Variants in CHST8 observed in about 807,000 individuals in gnomAD.
CHST8 encodes carbohydrate sulfotransferase 8, also known as GALNAC-4-ST1.
In CHST8, 10 loss-of-function variants were observed where a neutral mutation model predicts 15.0. The ratio of observed to expected loss-of-function variants is 0.67; its 90% CI spans 0.41 to 1.13. The LOEUF (loss-of-function observed/expected upper bound fraction) is 1.13. Ranked by LOEUF, CHST8 falls within the 50% of genes most tolerant of loss-of-function variation. The probability of loss-of-function intolerance (pLI) is 0.00; values close to 1 mark genes in which losing one functional copy is unlikely to be tolerated. For missense variants in CHST8, 634 were observed against 608.2 expected (o/e 1.04, Z -0.45); for synonymous variants, 259 against 256.6 (o/e 1.01, Z -0.09).
intron 3 of CHST8, among the ~76,000 whole-genome samples, chr19:33,767,702 G>T (rs1974879721): frequency 6.6e-6 from 1 of 152,182 alleles, no homozygotes; most frequent in Non-Finnish European, 1.5e-5. Flanking sequence ...ACCTTATATT[G>T]ACAGGAGAAG....
rs1485884078 is a variant in CHST8, at chr19:33,772,112, C to G, written c.324C>G (p.Arg108=). 2 of 1,611,134 alleles carry G rather than the reference C, an allele frequency of 1.2e-6. No homozygotes were observed. The highest frequency in any genetic ancestry group is 3.3e-5 in the Admixed American group (2 of 59,856). ...AGAGGGGAACCCGTCTGCGGCTCCG[C>G]CAGCGCCGTCGCCGTCTGCTCATCA... ...PLQRGTRLRL[R]QRRRRLLIKK... is the part of the protein sequence containing the mutation. The change falls in exon 5 of 5, where the codon CGC becomes CGG. Residue 108 remains arginine (R), a synonymous_variant. Transcript: ENST00000650847.
At chr19:33,733,548 G>C (rs78645632) in intron 3 of CHST8, among the ~76,000 whole-genome samples, 2,850 of 152,226 alleles carry the variant, frequency 0.019, 33 homozygotes, top group Non-Finnish European at 0.027. Context: ...ATATATTCTT[G>C]ATACCACAGC....
At chr19:33,724,855 G>T (rs1028644381) in intron 3 of CHST8, among the ~76,000 whole-genome samples, 1 of 152,190 alleles carries the variant, frequency 6.6e-6, no homozygotes, top group African/African-American at 2.4e-5. Flanking sequence ...CTGCTCCAAG[G>T]GTGGACTGTG....
At chr19:33,668,540 A>T (rs142125065) in intron 2 of CHST8, among the ~76,000 whole-genome samples, 1 of 152,312 alleles carries the variant, frequency 6.6e-6, no homozygotes, top group East Asian at 1.9e-4. Flanking sequence ...GAAGAGCAGC[A>T]GCTCTCCAGG....
intron 3 of CHST8, among the ~76,000 whole-genome samples, chr19:33,717,118 A>G (rs1468274166): frequency 1.3e-5 from 2 of 152,162 alleles, no homozygotes; most frequent in African/African-American, 4.8e-5. Context: ...CCCTTGCAAG[A>G]AGGAATTCAG....
chr19:33,643,433 G>A (rs1471224109), intron 1 of CHST8, among the ~76,000 whole-genome samples: 2 of 152,166 alleles, frequency 1.3e-5, no homozygotes, highest in Non-Finnish European at 2.9e-5. Context: ...TCCTGAGCCC[G>A]TGTTCTGGAG....
At chr19:33,716,355 T>C (rs1973665395) in intron 3 of CHST8, among the ~76,000 whole-genome samples, 1 of 152,172 alleles carries the variant, frequency 6.6e-6, no homozygotes. Flanking sequence ...AGTGGAGCAA[T>C]AAACATGTGA....
chr19:33,640,397 G>C (rs1189570542), intron 1 of CHST8, among the ~76,000 whole-genome samples: 2 of 152,196 alleles, frequency 1.3e-5, no homozygotes, highest in South Asian at 2.1e-4. Context: ...GGGTGGCTCA[G>C]CCCACCTCTC....
intron 3 of CHST8, among the ~76,000 whole-genome samples, chr19:33,717,441 AC>A (rs1973683933): frequency 6.6e-6 from 1 of 152,140 alleles, no homozygotes; most frequent in Admixed American, 6.6e-5. Context: ...AGCCTGGGCA[AC>A]AGAGCGAGAC....
rs938857199 is a variant in CHST8, at chr19:33,682,014, C to T, written c.-86-7162C>T. ...GGGATTACAGGTGGCTGCCACCATG[C>T]CTGGCTAATTTTTGTATTTTTAGTA... On this transcript the variant is annotated intron_variant, in intron 2 of 4. Coordinates refer to ENST00000650847, the MANE Select transcript of CHST8 (RefSeq NM_001127895.2). Among the ~76,000 whole-genome samples, 5 of 151,934 alleles carry T rather than the reference C, an allele frequency of 3.3e-5. No homozygotes were observed. In the South Asian group the frequency reaches 6.3e-4, roughly 19 times the overall value.
chr19:33,730,760 G>C (rs527937499), intron 3 of CHST8, among the ~76,000 whole-genome samples: 1 of 152,278 alleles, frequency 6.6e-6, no homozygotes, highest in East Asian at 1.9e-4. Context: ...ACAATAGGCC[G>C]TCTGCAAGCT....
In CHST8 at chr19:33,748,874, T is replaced by C. The variant is rs1174305390; in HGVS notation, c.131-22539T>C. 7.9e-5 allele frequency among the ~76,000 whole-genome samples: 12 copies of C among 152,208 alleles called. No homozygotes were observed. The South Asian group carries it at 2.3e-3, about 29-fold the overall frequency. On this transcript the variant is annotated intron_variant, in intron 3 of 4. Transcript: ENST00000650847. Reference sequence around the variant, plus strand: ...AGAGGCCACACCATGGATAAGTGTGTGACAGGCCTTGGAGGAGAAGGCAGG... The same window carrying C: ...AGAGGCCACACCATGGATAAGTGTGCGACAGGCCTTGGAGGAGAAGGCAGG...
At chr19:33,627,122 G>A (rs968338047) in intron 1 of CHST8, among the ~76,000 whole-genome samples, 6 of 140,336 alleles carry the variant, frequency 4.3e-5, no homozygotes, top group African/African-American at 7.9e-5. Flanking sequence ...GTGGGGTGAC[G>A]GAGTCTCGCT....
At chr19:33,769,396 T>G (rs1974919708) in intron 3 of CHST8, among the ~76,000 whole-genome samples, 1 of 152,164 alleles carries the variant, frequency 6.6e-6, no homozygotes, top group Non-Finnish European at 1.5e-5. Context: ...TTCCCATATC[T>G]GAGACTCTGA....
chr19:33,692,150 AT>A (rs11455059), intron 3 of CHST8, among the ~76,000 whole-genome samples: 38,857 of 151,152 alleles, frequency 0.26, 5,304 homozygotes, highest in African/African-American at 0.32. Flanking sequence ...CATTTTAAAC[AT>A]TTTTTTTTTA....
intron 1 of CHST8, among the ~76,000 whole-genome samples, chr19:33,636,358 T>C (rs574225613): frequency 6.6e-6 from 1 of 152,302 alleles, no homozygotes; most frequent in African/African-American, 2.4e-5. Context: ...AAAAACCACC[T>C]AAATCGCCCT....
At chr19:33,638,716 AT>A (rs1362940139) in intron 1 of CHST8, among the ~76,000 whole-genome samples, 1 of 152,180 alleles carries the variant, frequency 6.6e-6, no homozygotes, top group African/African-American at 2.4e-5. Context: ...GATATGCTAA[AT>A]GTAGCTTCCT....
Position 33,688,283 on chromosome 19 carries a change from G to T in CHST8, c.-86-893G>T, listed in dbSNP as rs181781534. ...CCCTGTTGGCGTGACTGGCTGGTATGTGGGGGATGGGGAATTTCTCTCCCT... is the reference window on the plus strand; with the variant it reads ...CCCTGTTGGCGTGACTGGCTGGTATTTGGGGGATGGGGAATTTCTCTCCCT... On this transcript the variant is annotated intron_variant, in intron 2 of 4. Coordinates refer to ENST00000650847, the MANE Select transcript of CHST8 (RefSeq NM_001127895.2). Among the ~76,000 whole-genome samples, 429 of 152,360 alleles carry T rather than the reference G, an allele frequency of 2.8e-3. 2 individuals carry two copies. Among genetic ancestry groups the T allele is most frequent in the African/African-American group, 9.9e-3 (410 of 41,578 alleles).
chr19:33,647,374 G>C (rs1972367747), intron 1 of CHST8, among the ~76,000 whole-genome samples: 1 of 152,230 alleles, frequency 6.6e-6, no homozygotes, highest in South Asian at 2.1e-4. Flanking sequence ...GCTGGTGGCA[G>C]GCCAGGTGGG....
Sources: gnomAD v4.1 joint callset for allele counts (sites outside exome capture counted in the v4.1 genomes callset) on GRCh38, gnomAD v4.1.1 for gene constraint, MANE v1.5 for transcripts, NCBI Gene and HGNC (gene_info 2026-07-23, HGNC 2026-07-21) for gene names.